WFDC11: variants seen among roughly 807,000 people sequenced by gnomAD.
WFDC11 encodes protein WFDC11.
In WFDC11, 9 loss-of-function variants were observed where a neutral mutation model predicts 9.9. That is an observed-to-expected ratio of 0.91 (90% CI 0.55 to 1.58). The LOEUF (loss-of-function observed/expected upper bound fraction) is 1.58. Ranked by LOEUF, WFDC11 falls within the 40% of genes most tolerant of loss-of-function variation. The probability of loss-of-function intolerance (pLI) is 0.00; values close to 1 mark genes in which losing one functional copy is unlikely to be tolerated. For synonymous variants in WFDC11, 32 were observed against 33.3 expected, an observed-to-expected ratio of 0.96 and a Z score of 0.13; for missense variants, 106 against 101.7, an observed-to-expected ratio of 1.04 and a Z score of -0.18.
chr20:45,652,950 G>A (rs557433523), intron 2 of WFDC11, among the ~76,000 whole-genome samples: 36 of 152,308 alleles, frequency 2.4e-4, no homozygotes, highest in East Asian at 5.8e-4. Flanking sequence ...CCAAATCTTC[G>A]TCTGATTGGT....
At chr20:45,649,213 G>T in intron 4 of WFDC11, 44 bp downstream of exon 4, 1 of 1,606,880 alleles carries the variant, frequency 6.2e-7, no homozygotes, top group Non-Finnish European at 8.5e-7. Context: ...AAGGGAATGA[G>T]AATCAGTGAA....
intron 2 of WFDC11, among the ~76,000 whole-genome samples, chr20:45,654,724 A>C (rs920881915): frequency 1.1e-4 from 16 of 152,218 alleles, no homozygotes; most frequent in Non-Finnish European, 1.8e-4. Flanking sequence ...AATCAAATAG[A>C]TGCAATAAAA....
At chr20:45,659,663 T>C (rs904732398) in intron 2 of WFDC11, among the ~76,000 whole-genome samples, 25 of 152,272 alleles carry the variant, frequency 1.6e-4, no homozygotes, top group African/African-American at 6.0e-4. Flanking sequence ...TTCTGTAGGT[T>C]GCCTGTTCAC....
At chr20:45,655,635 G>A (rs1982913203) in intron 2 of WFDC11, among the ~76,000 whole-genome samples, 1 of 152,212 alleles carries the variant, frequency 6.6e-6, no homozygotes, top group Non-Finnish European at 1.5e-5. Context: ...AAAAGAGGAA[G>A]TCAAATTGTC....
intron 2 of WFDC11, among the ~76,000 whole-genome samples, chr20:45,656,340 A>T (rs1305283420): frequency 1.3e-5 from 2 of 152,236 alleles, no homozygotes; most frequent in South Asian, 2.1e-4. Flanking sequence ...TGGGGAAAGG[A>T]TTCCCTATTT....
At chr20:45,653,610 G>A (rs564619794) in intron 2 of WFDC11, among the ~76,000 whole-genome samples, 5 of 152,040 alleles carry the variant, frequency 3.3e-5, no homozygotes, top group Non-Finnish European at 5.9e-5. Context: ...TGGGCTAAAT[G>A]CTCCAATTAA....
intron 2 of WFDC11, among the ~76,000 whole-genome samples, chr20:45,651,600 G>C (rs527345030): frequency 6.6e-6 from 1 of 152,232 alleles, no homozygotes; most frequent in East Asian, 1.9e-4. Flanking sequence ...TCAGAAAGTG[G>C]GTGCAGCACA....
chr20:45,662,956 C>A (rs1358880055), intron 2 of WFDC11, among the ~76,000 whole-genome samples: 4 of 152,264 alleles, frequency 2.6e-5, no homozygotes, highest in South Asian at 4.1e-4. Context: ...GGGAGGATTC[C>A]CTCTTTTTCT....
intron 2 of WFDC11, among the ~76,000 whole-genome samples, chr20:45,655,727 CA>C (rs769407889): frequency 2.0e-5 from 3 of 152,208 alleles, no homozygotes; most frequent in Non-Finnish European, 4.4e-5. Context: ...TAAGCAACTT[CA>C]GCAAAGTTTC....
intron 2 of WFDC11, among the ~76,000 whole-genome samples, chr20:45,654,632 T>G (rs964208032): frequency 2.0e-5 from 3 of 152,102 alleles, no homozygotes; most frequent in African/African-American, 7.2e-5. Context: ...AAAAAATCAA[T>G]GAATCCAGGA....
chr20:45,655,516 C>T (rs1156630098), intron 2 of WFDC11, among the ~76,000 whole-genome samples: 3 of 152,180 alleles, frequency 2.0e-5, no homozygotes, highest in Non-Finnish European at 4.4e-5. Context: ...CCTTTGAAAA[C>T]TGGCACAAGA....
intron 1 of WFDC11, among the ~76,000 whole-genome samples, chr20:45,669,944 A>C (rs1437860109): frequency 6.6e-6 from 1 of 152,212 alleles, no homozygotes; most frequent in East Asian, 1.9e-4. Flanking sequence ...AAAGAAAGAG[A>C]AAATCCAGAT....
intron 2 of WFDC11, among the ~76,000 whole-genome samples, chr20:45,659,328 A>G (rs891299132): frequency 7.2e-5 from 11 of 152,364 alleles, no homozygotes; most frequent in South Asian, 4.1e-4. Flanking sequence ...CAGTCCCACC[A>G]ACAGTGTAAA....
intron 2 of WFDC11, among the ~76,000 whole-genome samples, chr20:45,654,124 A>G (rs1982869640): frequency 6.6e-6 from 1 of 152,258 alleles, no homozygotes; most frequent in South Asian, 2.1e-4. Flanking sequence ...TCAACAGAAT[A>G]TACATTCTTC....
intron 2 of WFDC11, among the ~76,000 whole-genome samples, chr20:45,659,158 T>C (rs1425902783): frequency 2.0e-5 from 3 of 152,282 alleles, no homozygotes; most frequent in Non-Finnish European, 4.4e-5. Context: ...TTGTAAATAG[T>C]GCTGCAATAA....
In WFDC11 at chr20:45,649,325, A is replaced by G. The variant is rs1831466896; in HGVS notation, c.175T>C (p.Phe59Leu). 6.2e-7 allele frequency: 1 copy of G among 1,614,058 alleles called. No individual in the cohort carries two copies. The highest frequency in any genetic ancestry group is 1.7e-5 in the Admixed American group (1 of 60,000). Residue 59 changes from phenylalanine (F) to leucine (L), a missense_variant, in exon 4 of 5, where the codon TTT becomes CTT. Physicochemically the swap from Phe to Leu is conservative, Grantham distance 22 (BLOSUM62 0). Transcript: ENST00000324384. Reference protein sequence around the residue: ...KECTNKCSKAFRCKDKNYTCC... With the variant: ...KECTNKCSKALRCKDKNYTCC... Reference sequence around the variant, plus strand: ...GTGTAATTTTTGTCTTTACATCTAAAGGCTTTAGAACACTTATTGGTACAT... The same window carrying G: ...GTGTAATTTTTGTCTTTACATCTAAGGGCTTTAGAACACTTATTGGTACAT...
chr20:45,664,622 A>G (rs1983149525), intron 2 of WFDC11, among the ~76,000 whole-genome samples: 1 of 152,214 alleles, frequency 6.6e-6, no homozygotes. Context: ...GGTGGTGACA[A>G]AATCTCTCAG....
At chr20:45,669,907 G>C (rs1160059038) in intron 1 of WFDC11, among the ~76,000 whole-genome samples, 1 of 151,862 alleles carries the variant, frequency 6.6e-6, no homozygotes, top group Non-Finnish European at 1.5e-5. Context: ...GAATAAATAA[G>C]ACTGGTAGAC....
At position 45,657,377 on chromosome 20, in the gene WFDC11, G is replaced by T. The variant is rs1048421761; in HGVS notation, c.-51-6726C>A. Among the ~76,000 whole-genome samples, 6 of 141,280 alleles carry T rather than the reference G, an allele frequency of 4.2e-5. No homozygotes were observed. The Admixed American group carries it at 4.7e-4, about 11-fold the overall frequency. 92.7% of individuals were successfully genotyped at this position (141,280 alleles called of 152,430 possible). Reference sequence around the variant, plus strand: ...GTGTTCTCACTCATAGGTGGGAATTGAACCATGAGAACACATGGACACAGG... The same window carrying T: ...GTGTTCTCACTCATAGGTGGGAATTTAACCATGAGAACACATGGACACAGG... On this transcript the variant is annotated intron_variant, in intron 2 of 4. Coordinates refer to ENST00000324384, the MANE Select transcript of WFDC11 (RefSeq NM_147197.2).
Sources: allele counts gnomAD v4.1 joint callset (sites outside exome capture counted in the v4.1 genomes callset), GRCh38; gene constraint gnomAD v4.1.1; transcripts MANE v1.5; gene names NCBI Gene and HGNC (gene_info 2026-07-23, HGNC 2026-07-21).